KYNU: variants seen among roughly 807,000 people sequenced by gnomAD.
KYNU encodes the protein L-kynurenine hydrolase.
Under a neutral mutation model 59.2 loss-of-function variants are expected in KYNU, and 54 were observed. The observed-to-expected ratio is 0.91, with a 90% CI of 0.73 to 1.14. KYNU has a LOEUF of 1.14. KYNU is among the 50% of genes most tolerant of loss of function. The pLI is 0.00. For missense variants in KYNU, 567 were observed against 554.4 expected (o/e 1.02, Z -0.23); for synonymous variants, 177 against 192.0 (o/e 0.92, Z 0.65).
intron 10 of KYNU, among the ~76,000 whole-genome samples, chr2:142,988,548 G>A (rs1389818821): frequency 3.3e-5 from 5 of 151,836 alleles, no homozygotes; most frequent in Admixed American, 3.3e-4. Flanking sequence ...GATCTTTCAT[G>A]GCTGTTTATT....
In KYNU at chr2:142,960,854, C is replaced by T. The variant is rs1180944182; in HGVS notation, c.729+84C>T. 1.1e-5 allele frequency: 14 copies of T among 1,314,528 alleles called. No individual in the cohort carries two copies. The East Asian group carries it at 3.0e-4, about 28-fold the overall frequency. 81.4% of individuals were successfully genotyped at this position (1,314,528 alleles called of 1,614,324 possible). ...TTCTAATTGCATGACTTGTGAAGTACTTTAGCTTGTGTCTGAGTAAAACTA... is the reference window on the plus strand; with the variant it reads ...TTCTAATTGCATGACTTGTGAAGTATTTTAGCTTGTGTCTGAGTAAAACTA... On this transcript the variant is annotated intron_variant, in intron 8 of 13. Coordinates refer to ENST00000264170, the MANE Select transcript of KYNU (RefSeq NM_003937.3).
chr2:142,927,389 G>C (rs573657355), intron 3 of KYNU, among the ~76,000 whole-genome samples: 41 of 152,116 alleles, frequency 2.7e-4, no homozygotes. Context: ...AAAAAAATTA[G>C]ACTCTAGAAT....
chr2:142,895,439 G>T (rs1451194907), intron 2 of KYNU, among the ~76,000 whole-genome samples: 1 of 152,150 alleles, frequency 6.6e-6, no homozygotes, highest in East Asian at 1.9e-4. Flanking sequence ...TTGAGATTAA[G>T]CAAAGTTATG....
chr2:142,939,996 G>A (rs1683540785), intron 4 of KYNU, among the ~76,000 whole-genome samples: 1 of 152,162 alleles, frequency 6.6e-6, no homozygotes, highest in Admixed American at 6.5e-5. Flanking sequence ...TCCCACACCA[G>A]TGGATTCTCA....
At chr2:143,023,492 T>G (rs1199553102) in intron 10 of KYNU, among the ~76,000 whole-genome samples, 1 of 151,968 alleles carries the variant, frequency 6.6e-6, no homozygotes, top group South Asian at 2.1e-4. Context: ...TTTGTCCCCT[T>G]GATCTGTCAT....
At chr2:143,031,694 A>T in intron 11 of KYNU, among the ~76,000 whole-genome samples, 1 of 152,178 alleles carries the variant, frequency 6.6e-6, no homozygotes. Context: ...CACTGCACTC[A>T]GGCCTGGGTA....
At chr2:142,959,869 G>A (rs1684284025) in intron 7 of KYNU, among the ~76,000 whole-genome samples, 1 of 152,066 alleles carries the variant, frequency 6.6e-6, no homozygotes, top group Admixed American at 6.6e-5. Context: ...GAAGATATTG[G>A]CTAGGTAAAA....
At chr2:142,904,667 C>T (rs1347713988) in intron 2 of KYNU, among the ~76,000 whole-genome samples, 3 of 152,164 alleles carry the variant, frequency 2.0e-5, no homozygotes, top group Non-Finnish European at 4.4e-5. Flanking sequence ...TCTGACAAGG[C>T]CGAATTCTCC....
Position 142,926,590 on chromosome 2 carries a change from G to A in KYNU, c.291-1069G>A, listed in dbSNP as rs530558095. Among the ~76,000 whole-genome samples the A allele has an allele frequency of 1.4e-3, 208 of 152,322 alleles. 1 individual carries two copies. The highest frequency in any genetic ancestry group is 2.0e-3 in the Admixed American group (30 of 15,294). ...GTGCATCATCTCATGTAGAGGAAGAGTTCCAGTTGCGGAGATGCAGTGAGT... is the reference window on the plus strand; with the variant it reads ...GTGCATCATCTCATGTAGAGGAAGAATTCCAGTTGCGGAGATGCAGTGAGT... On this transcript the variant is annotated intron_variant, in intron 3 of 13. Coordinates refer to ENST00000264170, the MANE Select transcript of KYNU (RefSeq NM_003937.3).
Position 143,009,588 on chromosome 2 carries a change from C to G in KYNU, c.903-20039C>G, listed in dbSNP as rs1273970592. 3.0e-5 allele frequency among the ~76,000 whole-genome samples: 2 copies of G among 67,090 alleles called. 1 individual carries two copies. The highest frequency in any genetic ancestry group is 9.2e-4 in the East Asian group (2 of 2,166). 44.0% of individuals were successfully genotyped at this position (67,090 alleles called of 152,430 possible). A position where few individuals can be genotyped will look rare whatever the true frequency, so the allele number is the denominator to read the frequency against. On this transcript the variant is annotated intron_variant, in intron 10 of 13. Coordinates refer to ENST00000264170, the MANE Select transcript of KYNU (RefSeq NM_003937.3). ...GGCCAGCATCATTCTGATACCAAAG[C>G]CGGGCAGAGACACAACCAAAAAAGA...
intron 10 of KYNU, among the ~76,000 whole-genome samples, chr2:142,998,441 C>T (rs762616435): frequency 6.6e-6 from 1 of 152,098 alleles, no homozygotes; most frequent in Non-Finnish European, 1.5e-5. Context: ...ATTTAACTTC[C>T]TCCTAGATTC....
At chr2:143,021,211 T>TA (rs1278173837) in intron 10 of KYNU, among the ~76,000 whole-genome samples, 2 of 152,172 alleles carry the variant, frequency 1.3e-5, no homozygotes, top group Non-Finnish European at 2.9e-5. Context: ...AGAGGATTTT[T>TA]AAAAAATATA....
At chr2:142,979,469 G>A (rs1684989083) in intron 8 of KYNU, among the ~76,000 whole-genome samples, 1 of 152,148 alleles carries the variant, frequency 6.6e-6, no homozygotes, top group African/African-American at 2.4e-5. Context: ...AGTAGAATAA[G>A]AGAGAAGAGA....
At chr2:142,996,100 T>G (rs1330335136) in intron 10 of KYNU, among the ~76,000 whole-genome samples, 6 of 152,078 alleles carry the variant, frequency 3.9e-5, no homozygotes, top group Admixed American at 3.9e-4. Context: ...ACTAGGGGAC[T>G]TATGAACCCA....
chr2:142,989,031 G>A, intron 10 of KYNU: 4 of 694,138 alleles, frequency 5.8e-6, no homozygotes, highest in African/African-American at 3.6e-5. Flanking sequence ...CCTGTGAGAA[G>A]AGTGATAAAC....
intron 4 of KYNU, among the ~76,000 whole-genome samples, chr2:142,950,456 G>T (rs554420715): frequency 2.6e-4 from 39 of 152,320 alleles, no homozygotes; most frequent in African/African-American, 8.4e-4. Flanking sequence ...ATGGCAGAAG[G>T]CAAGGAGGAG....
At chr2:143,023,645 A>T (rs1318839436) in intron 10 of KYNU, among the ~76,000 whole-genome samples, 1 of 151,904 alleles carries the variant, frequency 6.6e-6, no homozygotes, top group Non-Finnish European at 1.5e-5. Context: ...AATTTTTCAA[A>T]TTATTGACAA....
At chr2:142,949,615 G>A (rs1258349129) in intron 4 of KYNU, among the ~76,000 whole-genome samples, 1 of 152,170 alleles carries the variant, frequency 6.6e-6, no homozygotes, top group Non-Finnish European at 1.5e-5. Flanking sequence ...GGGACTCAGG[G>A]CACCAAGTCC....
At chr2:143,026,485 G>A (rs929038321) in intron 10 of KYNU, among the ~76,000 whole-genome samples, 4 of 152,204 alleles carry the variant, frequency 2.6e-5, no homozygotes, top group African/African-American at 7.2e-5. Context: ...GAACGAGTAC[G>A]GGAGCTGGAA....
Sources: gnomAD v4.1 joint callset for allele counts (sites outside exome capture counted in the v4.1 genomes callset) on GRCh38, gnomAD v4.1.1 for gene constraint, MANE v1.5 for transcripts, NCBI Gene and HGNC (gene_info 2026-07-23, HGNC 2026-07-21) for gene names.